METTL16: variants seen among roughly 807,000 people sequenced by gnomAD.
METTL16 encodes methyltransferase 16, RNA N6-adenosine.
Under a neutral mutation model 57.9 loss-of-function variants are expected in METTL16, and 19 were observed. The observed-to-expected ratio is 0.33, with a 90% CI of 0.23 to 0.48. The LOEUF (loss-of-function observed/expected upper bound fraction) is 0.48, where lower values mean the gene tolerates loss of function less well. Among genes scored for constraint, METTL16 ranks in the 20% least tolerant of loss-of-function variants. The pLI is 0.99. For missense variants in METTL16, 434 were observed against 691.5 expected, an observed-to-expected ratio of 0.63 and a Z score of 4.18; for synonymous variants, 246 against 255.6, an observed-to-expected ratio of 0.96 and a Z score of 0.36.
chr17:2,431,205 C>A (rs1337307852), intron 8 of METTL16, among the ~76,000 whole-genome samples: 1 of 152,120 alleles, frequency 6.6e-6, no homozygotes. Flanking sequence ...CCTCTGCCTC[C>A]CAAAATGCTA....
chr17:2,500,524 C>T (rs1243847741), intron 2 of METTL16, among the ~76,000 whole-genome samples: 1 of 151,960 alleles, frequency 6.6e-6, no homozygotes, highest in African/African-American at 2.4e-5. Context: ...TCAAGTGATC[C>T]GCCCACCTTG....
intron 6 of METTL16, among the ~76,000 whole-genome samples, chr17:2,457,900 G>A (rs958203718): frequency 1.3e-4 from 20 of 152,084 alleles, no homozygotes; most frequent in African/African-American, 4.8e-4. Context: ...CAATTTTTGA[G>A]ACGGGCTCTT....
At chr17:2,452,116 G>A (rs1426246558) in intron 6 of METTL16, among the ~76,000 whole-genome samples, 5 of 133,556 alleles carry the variant, frequency 3.7e-5, no homozygotes, top group African/African-American at 1.5e-4. Context: ...CAGCCTGGAT[G>A]ACAGAGCAAG....
intron 8 of METTL16, among the ~76,000 whole-genome samples, chr17:2,423,570 AATCAGACTCCCCATTCCCCGTCCCAAC>A (rs1230895651): frequency 6.6e-6 from 1 of 152,074 alleles, no homozygotes; most frequent in Non-Finnish European, 1.5e-5. Flanking sequence ...GGGGGTGGAG[AATCAGACTCCCCATTCCCCGTCCCAAC>A]ATCAAAGGCC....
chr17:2,492,914 A>AAAAAC (rs1555621106), intron 2 of METTL16, among the ~76,000 whole-genome samples: 1 of 143,562 alleles, frequency 7.0e-6, no homozygotes, highest in Non-Finnish European at 1.5e-5. Context: ...AAAAAAAAAA[A>AAAAAC]AACAACAAAA....
intron 6 of METTL16, among the ~76,000 whole-genome samples, chr17:2,450,007 G>T (rs575111232): frequency 6.6e-6 from 1 of 152,108 alleles, no homozygotes; most frequent in African/African-American, 2.4e-5. Flanking sequence ...TGGTGTCAAC[G>T]GAAACTCTCA....
chr17:2,448,803 A>AAAAT lies in METTL16; in HGVS notation c.729-7245_729-7244insATTT, dbSNP rs2067044286. ...AAATAAAAAAATAAAAATAAAATTT[A>AAAAT]AAAAAAAAAAAAAAAAAAAAAAAGA... On this transcript the variant is annotated intron_variant, in intron 6 of 9. Coordinates refer to ENST00000263092, the MANE Select transcript of METTL16 (RefSeq NM_024086.4). Among the ~76,000 whole-genome samples the AAAAT allele has an allele frequency of 1.3e-4, 5 of 38,494 alleles. No homozygotes were observed. In the African/African-American group the frequency reaches 1.7e-3, roughly 13 times the overall value. 25.3% of individuals were successfully genotyped at this position (38,494 alleles called of 152,430 possible). A position where few individuals can be genotyped will look rare whatever the true frequency, so the allele number is the denominator to read the frequency against.
intron 2 of METTL16, among the ~76,000 whole-genome samples, chr17:2,500,740 G>A (rs1199831482): frequency 4.6e-5 from 7 of 152,100 alleles, no homozygotes; most frequent in Non-Finnish European, 1.0e-4. Flanking sequence ...TTTCTCAGAG[G>A]TATAAAAGAC....
chr17:2,472,950 G>A (rs1398888174), intron 4 of METTL16, among the ~76,000 whole-genome samples: 1 of 152,078 alleles, frequency 6.6e-6, no homozygotes, highest in Non-Finnish European at 1.5e-5. Flanking sequence ...CAAAACTACA[G>A]AATGTACACC....
intron 7 of METTL16, among the ~76,000 whole-genome samples, chr17:2,440,970 C>CAAAA (rs760521188): frequency 3.5e-3 from 120 of 33,972 alleles, no homozygotes; most frequent in Non-Finnish European, 4.8e-3. Flanking sequence ...GACTTGATCT[C>CAAAA]AAAAAAAAAA....
chr17:2,441,490 C>A lies in METTL16; in HGVS notation c.798G>T (p.Gly266=). 1 of 1,591,556 alleles carries A rather than the reference C, an allele frequency of 6.3e-7. No individual in the cohort carries two copies. The highest frequency in any genetic ancestry group is 1.1e-5 in the South Asian group (1 of 87,756). Residue 266 remains glycine (G), a splice_region_variant and synonymous_variant, in exon 7 of 10, where the codon GGG becomes GGT. Transcript: ENST00000263092. ...APLKEELRIQ[G]VPKVTYTEFC... ...GAGAACAGTAATGAGGAAGCCTCACCCCTTGTATGCGAAGCTCCTCCTTCA... is the reference window on the plus strand; with the variant it reads ...GAGAACAGTAATGAGGAAGCCTCACACCTTGTATGCGAAGCTCCTCCTTCA...
intron 8 of METTL16, among the ~76,000 whole-genome samples, chr17:2,432,942 G>A (rs780402518): frequency 1.3e-5 from 2 of 152,190 alleles, no homozygotes; most frequent in Non-Finnish European, 2.9e-5. Flanking sequence ...CCTGTTCTAT[G>A]TAAAGCCAGA....
In METTL16 at chr17:2,473,676, A is replaced by T. The variant is rs2067250262; in HGVS notation, c.329-12T>A. 4 of 1,609,226 alleles carry T rather than the reference A, an allele frequency of 2.5e-6. No individual in the cohort carries two copies. Among genetic ancestry groups the T allele is most frequent in the African/African-American group, 2.7e-5 (2 of 74,498 alleles). On this transcript the variant is annotated splice_polypyrimidine_tract_variant and intron_variant, in intron 3 of 9. Transcript: ENST00000263092. The stretch of plus-strand genomic sequence containing the variant: ...AGATGCCCCCGTGCCTAATAAAATA[A>T]AAATACAAAACACATTCTACACACC...
At chr17:2,446,891 T>C (rs1567888852) in intron 6 of METTL16, among the ~76,000 whole-genome samples, 3 of 152,022 alleles carry the variant, frequency 2.0e-5, no homozygotes, top group Non-Finnish European at 4.4e-5. Context: ...TGCTCAGTGG[T>C]GCCCAGGCTG....
chr17:2,464,422 C>A, intron 5 of METTL16, 72 bp from the exon 6 acceptor site: 1 of 1,411,998 alleles, frequency 7.1e-7, no homozygotes, highest in Non-Finnish European at 9.4e-7. Context: ...TAATCTATCT[C>A]TAAGTTAGAA....
At position 2,419,835 on chromosome 17, in the gene METTL16, A is replaced by T; in HGVS notation, c.*135T>A. 9.2e-7 allele frequency: 1 copy of T among 1,081,910 alleles called. No homozygotes were observed. The highest frequency in any genetic ancestry group is 1.4e-6 in the Non-Finnish European group (1 of 730,510). The allele number at this position is 1,081,910 out of a possible 1,614,324, so 67.0% of individuals were successfully genotyped here. A position where few individuals can be genotyped will look rare whatever the true frequency, so the allele number is the denominator to read the frequency against. Reference sequence around the variant, plus strand: ...GGAGGCGGGGGGAGGTGGGGGACAGATTCATAGGTTTTTGTTTTCGAAGAT... The same window carrying T: ...GGAGGCGGGGGGAGGTGGGGGACAGTTTCATAGGTTTTTGTTTTCGAAGAT... On this transcript the variant is annotated 3_prime_UTR_variant, in exon 10 of 10. Transcript: ENST00000263092.
intron 4 of METTL16, among the ~76,000 whole-genome samples, chr17:2,468,945 G>A (rs2055814263): frequency 6.6e-6 from 1 of 151,574 alleles, no homozygotes; most frequent in South Asian, 2.1e-4. Context: ...TTTCTAAAAG[G>A]CTCCTAGCGC....
chr17:2,439,425 T>C (rs187850960), intron 7 of METTL16, among the ~76,000 whole-genome samples: 3 of 152,276 alleles, frequency 2.0e-5, no homozygotes, highest in Non-Finnish European at 2.9e-5. Flanking sequence ...GAGTACTTAC[T>C]TGCGACCTGC....
At position 2,417,924 on chromosome 17, in the gene METTL16, A is replaced by G. The variant is rs2066732528; in HGVS notation, c.*2046T>C. On this transcript the variant is annotated 3_prime_UTR_variant, in exon 10 of 10. Transcript: ENST00000263092. The stretch of plus-strand genomic sequence containing the variant: ...CAATTATCCTAAAATTATACCAAGG[A>G]AACTAGGTTTGGGCCCAGCAAATGA... 6.6e-6 allele frequency: 1 copy of G among 152,200 alleles called. No individual in the cohort carries two copies. Among genetic ancestry groups the G allele is most frequent in the African/African-American group, 2.4e-5 (1 of 41,448 alleles). 9.4% of individuals were successfully genotyped at this position (152,200 alleles called of 1,614,324 possible).
Sources: gnomAD v4.1 joint callset for allele counts (sites outside exome capture counted in the v4.1 genomes callset) on GRCh38, gnomAD v4.1.1 for gene constraint, MANE v1.5 for transcripts, NCBI Gene and HGNC (gene_info 2026-07-23, HGNC 2026-07-21) for gene names.